KLHL2: variants seen among roughly 807,000 people sequenced by gnomAD.
KLHL2 encodes kelch like family member 2.
KLHL2 carries 15 observed loss-of-function variants against 75.8 expected under a neutral mutation model. That is an observed-to-expected ratio of 0.20 (90% CI 0.13 to 0.30). The LOEUF is 0.30. Ranked by LOEUF, KLHL2 falls within the 10% of genes least tolerant of loss-of-function variation. KLHL2 has a pLI of 1.00. For missense variants in KLHL2, 381 were observed against 741.0 expected (o/e 0.51, Z 5.64); for synonymous variants, 214 against 251.9 (o/e 0.85, Z 1.42).
At chr4:165,260,993 CCAAA>C (rs1345584969) in intron 4 of KLHL2, among the ~76,000 whole-genome samples, 4 of 152,164 alleles carry the variant, frequency 2.6e-5, no homozygotes, top group Admixed American at 2.0e-4. Context: ...TTCTGTGTGA[CCAAA>C]CAATTTAAGT....
At chr4:165,288,376 AT>A (rs964191259) in intron 5 of KLHL2, among the ~76,000 whole-genome samples, 1 of 151,896 alleles carries the variant, frequency 6.6e-6, no homozygotes, top group Non-Finnish European at 1.5e-5. Context: ...CTTGTTCCTC[AT>A]TTCTCTCCCC....
intron 4 of KLHL2, among the ~76,000 whole-genome samples, chr4:165,262,462 C>G (rs1429727345): frequency 6.6e-6 from 1 of 152,178 alleles, no homozygotes; most frequent in African/African-American, 2.4e-5. Context: ...ACTCTGGGGC[C>G]ACTCCTTCCC....
chr4:165,322,016 T>C lies in KLHL2; in HGVS notation c.1754-16T>C, dbSNP rs116373915. 6,151 of 1,613,292 alleles carry C rather than the reference T, an allele frequency of 3.8e-3. 183 individuals carry two copies. The African/African-American group carries it at 0.072, about 19-fold the overall frequency. On this transcript the variant is annotated splice_polypyrimidine_tract_variant and intron_variant, in intron 14 of 14. Transcript: ENST00000226725. ...TGCCTGTGACTTCTTTTTTCTCTCTTCATTTCTTTGCTCAGGGGTCACAGT... is the reference window on the plus strand; with the variant it reads ...TGCCTGTGACTTCTTTTTTCTCTCTCCATTTCTTTGCTCAGGGGTCACAGT...
At chr4:165,298,862 G>A (rs1214310269) in intron 7 of KLHL2, among the ~76,000 whole-genome samples, 1 of 151,914 alleles carries the variant, frequency 6.6e-6, no homozygotes, top group Admixed American at 6.6e-5. Flanking sequence ...GCTGGAACCC[G>A]GCAGGTGGAG....
At chr4:165,277,748 A>AACACACACACACAC (rs56079802) in intron 5 of KLHL2, 216 of 534,442 alleles carry the variant, frequency 4.0e-4, no homozygotes, top group African/African-American at 1.1e-3. Flanking sequence ...GGATGTTAAA[A>AACACACACACACAC]ACACACACAC....
chr4:165,217,313 C>T (rs1737615777), intron 1 of KLHL2, among the ~76,000 whole-genome samples: 1 of 152,120 alleles, frequency 6.6e-6, no homozygotes, highest in African/African-American at 2.4e-5. Flanking sequence ...CTTACTGTTT[C>T]CTTTACAGGT....
chr4:165,208,649 T>C (rs1225563207), intron 1 of KLHL2: 1 of 142,610 alleles, frequency 7.0e-6, no homozygotes, highest in Non-Finnish European at 1.5e-5. Flanking sequence ...AGAACAAGGG[T>C]TTTTTTTTTA....
At chr4:165,253,845 T>G (rs1579049360) in intron 4 of KLHL2, among the ~76,000 whole-genome samples, 1 of 152,270 alleles carries the variant, frequency 6.6e-6, no homozygotes. Context: ...TATGCTGTTG[T>G]GTATTTCAGT....
At position 165,207,960 on chromosome 4, in the gene KLHL2, T is replaced by C. The variant is rs1462699590; in HGVS notation, c.26+58T>C. 2 of 1,241,696 alleles carry C rather than the reference T, an allele frequency of 1.6e-6. No homozygotes were observed. Among genetic ancestry groups the C allele is most frequent in the Non-Finnish European group, 2.0e-6 (2 of 985,294 alleles). 76.9% of individuals were successfully genotyped at this position (1,241,696 alleles called of 1,614,324 possible). ...CGGATAAGCGCGCCGCTGCGGCGCG[T>C]GTCGCCGGCCGCGGGCGCAGCTCTG... On this transcript the variant is annotated intron_variant, in intron 1 of 14. Transcript: ENST00000226725. This position sits in a 1 kb window ranked among gnomAD's most constrained non-coding sequence, Gnocchi z 4.2.
chr4:165,250,331 A>G (rs1740603862), intron 4 of KLHL2, among the ~76,000 whole-genome samples: 1 of 152,228 alleles, frequency 6.6e-6, no homozygotes, highest in Admixed American at 6.5e-5. Context: ...TTCAAGGTGA[A>G]CAGAAACATC....
intron 5 of KLHL2, among the ~76,000 whole-genome samples, chr4:165,270,805 TC>T: frequency 6.6e-6 from 1 of 152,266 alleles, no homozygotes; most frequent in Non-Finnish European, 1.5e-5. Flanking sequence ...AGGCAGTTTG[TC>T]CCTTCTCGGA....
intron 4 of KLHL2, among the ~76,000 whole-genome samples, chr4:165,240,675 T>A (rs907927433): frequency 2.6e-5 from 4 of 152,080 alleles, no homozygotes; most frequent in Non-Finnish European, 5.9e-5. Flanking sequence ...TCAACAAGAG[T>A]TTATCTTGGT....
chr4:165,315,113 A>G (rs944683453), intron 13 of KLHL2, among the ~76,000 whole-genome samples: 1 of 152,122 alleles, frequency 6.6e-6, no homozygotes, highest in Admixed American at 6.5e-5. Context: ...ACCCTCAAAT[A>G]TGGGTCCTTA....
chr4:165,257,624 C>G (rs909707810), intron 4 of KLHL2, among the ~76,000 whole-genome samples: 5 of 152,148 alleles, frequency 3.3e-5, no homozygotes, highest in African/African-American at 1.2e-4. Flanking sequence ...TTGTGGTAGG[C>G]TACAAGAAGT....
chr4:165,242,148 C>T (rs1739866106), intron 4 of KLHL2, among the ~76,000 whole-genome samples: 1 of 151,944 alleles, frequency 6.6e-6, no homozygotes, highest in Non-Finnish European at 1.5e-5. Flanking sequence ...CAATATTTTA[C>T]CTATGACTAC....
intron 2 of KLHL2, among the ~76,000 whole-genome samples, chr4:165,226,560 C>T (rs12500138): frequency 0.083 from 12,628 of 151,766 alleles, 591 homozygotes; most frequent in Middle Eastern, 0.099. Flanking sequence ...TTTTTCTGCT[C>T]GTCTTCTTAA....
chr4:165,228,186 G>A (rs1458131663), intron 2 of KLHL2, among the ~76,000 whole-genome samples: 3 of 152,248 alleles, frequency 2.0e-5, no homozygotes, highest in Non-Finnish European at 4.4e-5. Flanking sequence ...ATAGGCATGA[G>A]CCACTGCACC....
intron 1 of KLHL2, among the ~76,000 whole-genome samples, chr4:165,218,215 C>A (rs150921138): frequency 6.6e-6 from 1 of 152,082 alleles, no homozygotes; most frequent in Admixed American, 6.6e-5. Flanking sequence ...CTTTGGAAAA[C>A]GTAAGTCGGA....
chr4:165,244,303 GT>G (rs1409575118), intron 4 of KLHL2, among the ~76,000 whole-genome samples: 1 of 152,198 alleles, frequency 6.6e-6, no homozygotes, highest in African/African-American at 2.4e-5. Context: ...ATAAGTGCAA[GT>G]GTCATAAACA....
Sources: gnomAD v4.1 joint callset for allele counts (sites outside exome capture counted in the v4.1 genomes callset) on GRCh38, gnomAD v4.1.1 for gene constraint, Gnocchi (gnomAD v3.1) non-coding constraint, MANE v1.5 for transcripts, NCBI Gene and HGNC (gene_info 2026-07-23, HGNC 2026-07-21) for gene names.